The following NTN3 variants were observed in gnomAD, a reference collection of about 807,000 sequenced individuals.
NTN3 encodes netrin 3, also known as netrin-3.
Under a neutral mutation model 37.2 loss-of-function variants are expected in NTN3, and 44 were observed. The ratio of observed to expected loss-of-function variants is 1.18; its 90% CI spans 0.93 to 1.52. The LOEUF is 1.52. Among genes scored for constraint, NTN3 ranks in the 40% most tolerant of loss-of-function variants. The pLI is 0.00. For synonymous variants in NTN3, 385 were observed against 376.0 expected (o/e 1.02, Z -0.28); for missense variants, 882 against 857.3 (o/e 1.03, Z -0.36).
chr16:2,473,708 G>A lies in NTN3; in HGVS notation c.1394-48G>A, dbSNP rs1026606396. 4.2e-6 allele frequency: 6 copies of A among 1,414,494 alleles called. No homozygotes were observed. The Admixed American group carries it at 8.8e-5, about 21-fold the overall frequency. The allele number at this position is 1,414,494 out of a possible 1,614,324, so 87.6% of individuals were successfully genotyped here. On this transcript the variant is annotated intron_variant, in intron 5 of 5. Transcript: ENST00000293973. ...TCCTCCCCGTGCCTCCCCCTACCGC[G>A]GGCAGGCCGCCCCTTCCTGACCCCG...
At position 2,472,838 on chromosome 16, in the gene NTN3, G is replaced by A. The variant is rs369554976; in HGVS notation, c.1066G>A (p.Gly356Ser). 4 of 1,608,426 alleles carry A rather than the reference G, an allele frequency of 2.5e-6. No homozygotes were observed. The highest frequency in any genetic ancestry group is 3.4e-6 in the Non-Finnish European group (4 of 1,179,026). Residue 356 changes from glycine (G) to serine (S), a missense_variant, in exon 2 of 6, where the codon GGC (glycine) becomes AGC (serine). Transcript: ENST00000293973. ...CCGCCACTGCCACTACTGCCGGGAGGGCTTCTATCGAGACCCTGGCCGTGC... is the reference window on the plus strand; with the variant it reads ...CCGCCACTGCCACTACTGCCGGGAGAGCTTCTATCGAGACCCTGGCCGTGC... ...AGRHCHYCRE[G>S]FYRDPGRALS... is the part of the protein sequence containing the mutation.
rs893160347 is a variant in NTN3 at position 2,471,410 on chromosome 16, G to T, written c.-292G>T. ...GGGAGACCTGCTCCGCCCGGCCCTC[G>T]GTGGGTGAGTGCGAGCGGCGGGTGG... On this transcript the variant is annotated 5_prime_UTR_variant, in exon 1 of 6. Transcript: ENST00000293973. The T allele has an allele frequency of 2.2e-5, 6 of 273,088 alleles. No homozygotes were observed. Among genetic ancestry groups the T allele is most frequent in the African/African-American group, 1.3e-4 (6 of 45,288 alleles). 16.9% of individuals were successfully genotyped at this position (273,088 alleles called of 1,614,324 possible).
At chr16:2,472,944 A>G (rs1223792343) in intron 2 of NTN3, 41 bp from the exon 3 acceptor site, 1 of 1,580,344 alleles carries the variant, frequency 6.3e-7, no homozygotes, top group African/African-American at 1.3e-5. Flanking sequence ...CCAGATCCCC[A>G]GACAGGCTTC....
chr16:2,472,755 G>T lies in NTN3; in HGVS notation c.983G>T (p.Arg328Leu), dbSNP rs751116787. The T allele has an allele frequency of 1.2e-6, 2 of 1,608,760 alleles. No individual in the cohort carries two copies. The highest frequency in any genetic ancestry group is 8.5e-7 in the Non-Finnish European group (1 of 1,179,580). Residue 328 changes from arginine to leucine, a missense_variant, in exon 2 of 6, where the codon CGA becomes CTA. Coordinates refer to ENST00000293973, the MANE Select transcript of NTN3 (RefSeq NM_006181.3). ...RRCRFNMELYRLSGRRSGGVC... is the reference protein window; with the variant it reads ...RRCRFNMELYLLSGRRSGGVC... ...TGCCGCTTCAACATGGAGCTGTACC[G>T]ACTGTCCGGCCGCCGCAGCGGGGGT...
At position 2,472,896 on chromosome 16, in the gene NTN3, C is replaced by A; in HGVS notation, c.1117+7C>A. On this transcript the variant is annotated splice_region_variant and intron_variant, in intron 2 of 5. Transcript: ENST00000293973. ...GACCGTCGGGCTTGCAGGGGTGAGC[C>A]ACCACCGGCCACCTGCAGGCCCTCA... The A allele has an allele frequency of 6.3e-7, 1 of 1,585,322 alleles. No homozygotes were observed. Among genetic ancestry groups the A allele is most frequent in the Non-Finnish European group, 8.6e-7 (1 of 1,165,816 alleles).
At position 2,472,084 on chromosome 16, in the gene NTN3, C is replaced by G. The variant is rs143284685; in HGVS notation, c.383C>G (p.Pro128Arg). Residue 128 changes from proline (P) to arginine (R), a missense_variant, in exon 1 of 6, where the codon CCC becomes CGC. Transcript: ENST00000293973. ...GTGAGCCTGCGCTTCTGCTCAGCTCCCCCAGCCTCCGTGGCCCTGCTCAAG... is the reference window on the plus strand; with the variant it reads ...GTGAGCCTGCGCTTCTGCTCAGCTCGCCCAGCCTCCGTGGCCCTGCTCAAG... ...VFVSLRFCSA[P>R]PASVALLKSQ... 1.2e-6 allele frequency: 2 copies of G among 1,606,522 alleles called. No homozygotes were observed. The highest frequency in any genetic ancestry group is 1.7e-6 in the Non-Finnish European group (2 of 1,177,348).
In NTN3 at chr16:2,473,805, A is replaced by G; in HGVS notation, c.1443A>G (p.Thr481=). ...GARGEARGAW[T]RFPVAVLAVF... ...GCGGCGAGGCGCGCGGCGCGTGGACACGCTTCCCGGTGGCGGTGCTCGCCG... is the reference window on the plus strand; with the variant it reads ...GCGGCGAGGCGCGCGGCGCGTGGACGCGCTTCCCGGTGGCGGTGCTCGCCG... Residue 481 remains threonine, a synonymous_variant, in exon 6 of 6, where the codon ACA becomes ACG. Coordinates refer to ENST00000293973, the MANE Select transcript of NTN3 (RefSeq NM_006181.3). The G allele has an allele frequency of 7.2e-7, 1 of 1,382,220 alleles. No individual in the cohort carries two copies. The highest frequency in any genetic ancestry group is 1.7e-5 in the South Asian group (1 of 60,128). 85.6% of individuals were successfully genotyped at this position (1,382,220 alleles called of 1,614,324 possible).
Position 2,471,803 on chromosome 16 carries a change from G to C in NTN3, c.102G>C (p.Gly34=), listed in dbSNP as rs2065522250. 1 of 1,390,218 alleles carries C rather than the reference G, an allele frequency of 7.2e-7. No individual in the cohort carries two copies. The highest frequency in any genetic ancestry group is 9.2e-7 in the Non-Finnish European group (1 of 1,081,284). 86.1% of individuals were successfully genotyped at this position (1,390,218 alleles called of 1,614,324 possible). A position where few individuals can be genotyped will look rare whatever the true frequency, so the allele number is the denominator to read the frequency against. ...PAPADPCHDE[G]GAPRGCVPGL... ...CCGCCGACCCCTGCCACGATGAGGGGGGTGCGCCCCGCGGCTGCGTGCCAG... is the reference window on the plus strand; with the variant it reads ...CCGCCGACCCCTGCCACGATGAGGGCGGTGCGCCCCGCGGCTGCGTGCCAG... The change falls in exon 1 of 6, where the codon GGG becomes GGC. Residue 34 remains glycine, a synonymous_variant. Transcript: ENST00000293973.
chr16:2,472,246 T>C lies in NTN3; in HGVS notation c.545T>C (p.Leu182Pro), dbSNP rs2065525885. ...GPEALCFPAP[L>P]AQPDGSGLLA... is the part of the protein sequence containing the mutation. ...GAGGCCCTGTGCTTCCCCGCACCCC[T>C]GGCCCAGCCTGATGGCAGCGGCCTT... The change falls in exon 1 of 6, where the codon CTG (leucine) becomes CCG (proline). Residue 182 changes from leucine (L) to proline (P), a missense_variant. Transcript: ENST00000293973. 2 of 1,609,988 alleles carry C rather than the reference T, an allele frequency of 1.2e-6. No homozygotes were observed. The highest frequency in any genetic ancestry group is 2.7e-5 in the African/African-American group (2 of 75,004).
chr16:2,473,267 G>A lies in NTN3; in HGVS notation c.1268-1G>A. 1.2e-6 allele frequency: 2 copies of A among 1,612,840 alleles called. No homozygotes were observed. The highest frequency in any genetic ancestry group is 1.1e-5 in the South Asian group (1 of 91,056). On this transcript the variant is annotated splice_acceptor_variant, in intron 3 of 5. Transcript: ENST00000293973. LOFTEE classifies it high-confidence loss of function. ...AGGCCATTCTCCCTCCCTCTCTGCAGAGACCCCTATCCCTGGACCCACTGA... is the reference window on the plus strand; with the variant it reads ...AGGCCATTCTCCCTCCCTCTCTGCAAAGACCCCTATCCCTGGACCCACTGA...
intron 5 of NTN3, 65 bp from the exon 6 acceptor site, chr16:2,473,691 G>C: frequency 1.5e-6 from 2 of 1,362,996 alleles, no homozygotes; most frequent in Non-Finnish European, 9.7e-7. Flanking sequence ...TGTCCTCCCC[G>C]TGCCTCCCCC....
rs763231883 is a variant in NTN3 at position 2,472,637 on chromosome 16, C to G, written c.928+8C>G. On this transcript the variant is annotated splice_region_variant and intron_variant, in intron 1 of 5. Transcript: ENST00000293973. ...AATCCCACGCCTGCCTCGGTGAGGC[C>G]TTGGAGGGTGGCCTGGGGACCTTGG... The G allele has an allele frequency of 2.5e-6, 4 of 1,600,060 alleles. No individual in the cohort carries two copies. The highest frequency in any genetic ancestry group is 2.6e-6 in the Non-Finnish European group (3 of 1,172,174).
chr16:2,474,076 G>T lies in NTN3; in HGVS notation c.1714G>T (p.Glu572Ter). The change falls in exon 6 of 6, where the codon GAA (glutamate) becomes TAA (stop). Residue 572 changes from glutamate (E) to a stop codon, truncating the protein, a stop_gained. Coordinates refer to ENST00000293973, the MANE Select transcript of NTN3 (RefSeq NM_006181.3). LOFTEE classifies it high-confidence loss of function. ...GCGCCTGCGGAGGCTGCAGCGACGC[G>T]AACGGCGGGGGCGCTGCAGCGCCGC... ...TRRLRRLQRR[E>*]RRGRCSAA is the part of the protein sequence containing the mutation. 8.3e-7 allele frequency: 1 copy of T among 1,208,274 alleles called. No individual in the cohort carries two copies. The highest frequency in any genetic ancestry group is 4.1e-5 in the South Asian group (1 of 24,202). The allele number at this position is 1,208,274 out of a possible 1,614,324, so 74.8% of individuals were successfully genotyped here. A position where few individuals can be genotyped will look rare whatever the true frequency, so the allele number is the denominator to read the frequency against.
In NTN3 at chr16:2,472,416, G is replaced by A. The variant is rs746365729; in HGVS notation, c.715G>A (p.Val239Ile). 2.1e-5 allele frequency: 34 copies of A among 1,612,406 alleles called. No individual in the cohort carries two copies. The highest frequency in any genetic ancestry group is 1.2e-4 in the South Asian group (11 of 91,082). The change falls in exon 1 of 6, where the codon GTC becomes ATC. Residue 239 changes from valine to isoleucine, a missense_variant. Physicochemically the swap from Val to Ile is conservative, Grantham distance 29. Coordinates refer to ENST00000293973, the MANE Select transcript of NTN3 (RefSeq NM_006181.3). ...TAGDPRDMEA[V>I]VPYSYAATDL... ...AGGTGACCCCAGGGACATGGAGGCC[G>A]TCGTCCCTTACTCCTACGCAGCCAC... is the stretch of plus-strand genomic sequence containing the variant.
At position 2,474,062 on chromosome 16, in the gene NTN3, GGCTGCAGCGACGCGAACGGCGGGGGC is replaced by G; in HGVS notation, c.1710_1735del (p.Glu572LeufsTer?). 1.7e-6 allele frequency: 2 copies of G among 1,209,328 alleles called. No individual in the cohort carries two copies. The highest frequency in any genetic ancestry group is 2.1e-6 in the Non-Finnish European group (2 of 973,330). 74.9% of individuals were successfully genotyped at this position (1,209,328 alleles called of 1,614,324 possible). On this transcript the variant is annotated frameshift_variant, in exon 6 of 6. Coordinates refer to ENST00000293973, the MANE Select transcript of NTN3 (RefSeq NM_006181.3). LOFTEE classifies it high-confidence loss of function. ...GACGCGTGGACGCGGCGCCTGCGGAGGCTGCAGCGACGCGAACGGCGGGGGCGCTGCAGCGCCGCCTGAGCCCGCCG... is the reference window on the plus strand; with the variant it reads ...GACGCGTGGACGCGGCGCCTGCGGAGGCTGCAGCGCCGCCTGAGCCCGCCG...
At chr16:2,472,673 C>A (rs753204272) in intron 1 of NTN3, 28 bp from the exon 2 acceptor site, 2 of 1,606,216 alleles carry the variant, frequency 1.2e-6, no homozygotes, top group Middle Eastern at 1.7e-4. Context: ...ACACAACCAG[C>A]CTGCCCCTGA....
chr16:2,473,387 TG>T (rs769824793), intron 4 of NTN3, 41 bp from the exon 5 acceptor site: 2 of 1,612,080 alleles, frequency 1.2e-6, no homozygotes, highest in East Asian at 4.5e-5. Flanking sequence ...GAGGAGAGGG[TG>T]GGGAAAGGGA....
Position 2,472,509 on chromosome 16 carries a change from G to A in NTN3, c.808G>A (p.Gly270Ser), listed in dbSNP as rs2065527789. ...CTCACGGTGCCTGCTGGACACACAG[G>A]GCCACCTGATCTGCGACTGTCGGCA... The part of the protein sequence containing the change: ...HASRCLLDTQ[G>S]HLICDCRHGT... Residue 270 changes from glycine (G) to serine (S), a missense_variant, in exon 1 of 6, where the codon GGC (glycine) becomes AGC (serine). Transcript: ENST00000293973. The A allele has an allele frequency of 6.3e-7, 1 of 1,593,986 alleles. No individual in the cohort carries two copies. Among genetic ancestry groups the A allele is most frequent in the Non-Finnish European group, 8.6e-7 (1 of 1,164,350 alleles).
rs2065521062 is a variant in NTN3, at chr16:2,471,609, G to C, written c.-93G>C. The C allele has an allele frequency of 3.0e-6, 3 of 995,878 alleles. No individual in the cohort carries two copies. The highest frequency in any genetic ancestry group is 4.0e-6 in the Non-Finnish European group (3 of 755,188). The allele number at this position is 995,878 out of a possible 1,614,324, so 61.7% of individuals were successfully genotyped here. On this transcript the variant is annotated 5_prime_UTR_variant, in exon 1 of 6. Transcript: ENST00000293973. ...CGGGGGCCCTGTTCCTCGGCATTGC[G>C]GGCCTGGTGGGCAGAGCCGCGGAGA...
Sources: gnomAD v4.1 joint callset for allele counts on GRCh38, gnomAD v4.1.1 for gene constraint, MANE v1.5 for transcripts, NCBI Gene and HGNC (gene_info 2026-07-23, HGNC 2026-07-21) for gene names.